Variants in DDX19A observed in about 807,000 individuals in gnomAD.
DDX19A encodes ATP-dependent RNA helicase DDX19A.
A neutral mutation model predicts 60.6 loss-of-function variants in DDX19A; 12 were observed. The ratio of observed to expected loss-of-function variants is 0.20; its 90% CI spans 0.13 to 0.32. The LOEUF (loss-of-function observed/expected upper bound fraction) is 0.32, where lower values mean the gene tolerates loss of function less well. Among genes scored for constraint, DDX19A ranks in the 10% least tolerant of loss-of-function variants. The probability of loss-of-function intolerance (pLI) is 1.00; values close to 1 mark genes in which losing one functional copy is unlikely to be tolerated. For synonymous variants in DDX19A, 206 were observed against 218.2 expected, an observed-to-expected ratio of 0.94 and a Z score of 0.49; for missense variants, 337 against 600.6, an observed-to-expected ratio of 0.56 and a Z score of 4.59.
intron 7 of DDX19A, 106 bp from the exon 8 acceptor site, chr16:70,365,979 C>A: frequency 1.3e-6 from 2 of 1,545,542 alleles, no homozygotes; most frequent in Non-Finnish European, 1.8e-6. Flanking sequence ...GTTTTGAAAT[C>A]TGGAAATAAC....
Position 70,365,035 on chromosome 16 carries a change from A to G in DDX19A, c.508A>G (p.Thr170Ala), listed in dbSNP as rs537699457. 11 of 1,613,996 alleles carry G rather than the reference A, an allele frequency of 6.8e-6. No homozygotes were observed. Among genetic ancestry groups the G allele is most frequent in the East Asian group, 4.5e-5 (2 of 44,892 alleles). ...CTGTCAGTGTCTGTGCCTCTCCCCAACATATGAGCTGGCGCTTCAAACAGG... is the reference window on the plus strand; with the variant it reads ...CTGTCAGTGTCTGTGCCTCTCCCCAGCATATGAGCTGGCGCTTCAAACAGG... Reference protein sequence around the residue: ...RYPQCLCLSPTYELALQTGKV... With the variant: ...RYPQCLCLSPAYELALQTGKV... The change falls in exon 7 of 12, where the codon ACA becomes GCA. Residue 170 changes from threonine to alanine, a missense_variant. Coordinates refer to ENST00000302243, the MANE Select transcript of DDX19A (RefSeq NM_018332.5).
At chr16:70,357,362 G>GTTTTTTTTTTTTTTTTTTTTTTTTTT (rs1248365917) in intron 4 of DDX19A, among the ~76,000 whole-genome samples, 4 of 48,876 alleles carry the variant, frequency 8.2e-5, no homozygotes, top group South Asian at 7.7e-4. Context: ...TCTGTTTTTG[G>GTTTTTTTTTTTTTTTTTTTTTTTTTT]TTTGTTTTTT....
chr16:70,348,065 G>A, intron 1 of DDX19A: 3 of 405,304 alleles, frequency 7.4e-6, no homozygotes, highest in Non-Finnish European at 1.5e-5. Flanking sequence ...ACAGAGAACA[G>A]AATATGTTAG....
At chr16:70,356,808 T>G (rs1181241745) in intron 4 of DDX19A, 1 of 1,081,068 alleles carries the variant, frequency 9.3e-7, no homozygotes, top group African/African-American at 1.7e-5. Flanking sequence ...CAAATTGATT[T>G]ATCATAGCTA....
Position 70,347,019 on chromosome 16 carries a change from G to A in DDX19A, c.28G>A (p.Val10Met), listed in dbSNP as rs1255261347. 1 of 1,612,824 alleles carries A rather than the reference G, an allele frequency of 6.2e-7. No individual in the cohort carries two copies. Among genetic ancestry groups the A allele is most frequent in the Non-Finnish European group, 8.5e-7 (1 of 1,179,842 alleles). MATDSWALAVDEQEAAVKSM... is the reference protein window; with the variant it reads MATDSWALAMDEQEAAVKSM... ...GGCCACCGACTCGTGGGCCCTGGCG[G>A]TGGACGAGCAGGAAGCGGCTGTCAA... Residue 10 changes from valine (V) to methionine (M), a missense_variant, in exon 1 of 12, where the codon GTG (valine) becomes ATG (methionine). Physicochemically the swap from Val to Met is conservative, Grantham distance 21. Transcript: ENST00000302243.
chr16:70,360,217 G>A (rs1964325587), intron 4 of DDX19A, among the ~76,000 whole-genome samples: 1 of 151,550 alleles, frequency 6.6e-6, no homozygotes, highest in South Asian at 2.1e-4. Context: ...GGAGGCAGAG[G>A]TTGCAGTGAG....
intron 2 of DDX19A, among the ~76,000 whole-genome samples, chr16:70,352,350 T>C (rs1172981036): frequency 1.3e-5 from 2 of 149,316 alleles, no homozygotes; most frequent in Non-Finnish European, 3.0e-5. Flanking sequence ...AGTGGTGCAA[T>C]CTTGGCTCAC....
At chr16:70,366,289 C>A (rs373817509) in intron 8 of DDX19A, 27 bp downstream of exon 8, 1 of 1,613,532 alleles carries the variant, frequency 6.2e-7, no homozygotes, top group Non-Finnish European at 8.5e-7. Context: ...TGGGGGACTC[C>A]TCAGACTCCC....
chr16:70,353,372 G>A (rs1391917995), intron 2 of DDX19A, among the ~76,000 whole-genome samples: 2 of 151,232 alleles, frequency 1.3e-5, no homozygotes, highest in Non-Finnish European at 3.0e-5. Flanking sequence ...GCTTGGCCTC[G>A]CAAAGTGCTA....
intron 7 of DDX19A, 145 bp from the exon 8 acceptor site, chr16:70,365,940 G>T (rs1349729759): frequency 4.7e-6 from 6 of 1,266,750 alleles, no homozygotes; most frequent in African/African-American, 1.5e-5. Context: ...CAGCAGAAGA[G>T]ACCAAGACTG....
chr16:70,365,835 G>A (rs1034929519), intron 7 of DDX19A: 4 of 575,922 alleles, frequency 6.9e-6, no homozygotes, highest in Non-Finnish European at 1.2e-5. Context: ...ATTATAGGAG[G>A]AAGAAGAAGG....
chr16:70,368,602 C>CG (rs1446286482), intron 9 of DDX19A, among the ~76,000 whole-genome samples: 1 of 148,242 alleles, frequency 6.7e-6, no homozygotes, highest in African/African-American at 2.5e-5. Context: ...TTTTTTTAGA[C>CG]GGTCTCACTA....
At position 70,356,261 on chromosome 16, in the gene DDX19A, C is replaced by T; in HGVS notation, c.293+14C>T. 1.9e-6 allele frequency: 3 copies of T among 1,614,112 alleles called. No individual in the cohort carries two copies. Among genetic ancestry groups the T allele is most frequent in the Non-Finnish European group, 2.5e-6 (3 of 1,179,964 alleles). On this transcript the variant is annotated intron_variant, in intron 4 of 11. Transcript: ENST00000302243. Reference sequence around the variant, plus strand: ...AGAGCTTCGGCTGTGAGTATTCGCTCCTTTCAACAGCTCTTCGTTGCCAGT... The same window carrying T: ...AGAGCTTCGGCTGTGAGTATTCGCTTCTTTCAACAGCTCTTCGTTGCCAGT...
At chr16:70,354,932 G>A (rs76102111) in intron 2 of DDX19A, among the ~76,000 whole-genome samples, 9,155 of 152,022 alleles carry the variant, frequency 0.06, 309 homozygotes, top group Non-Finnish European at 0.073. Flanking sequence ...AGCTCAGGAG[G>A]TTGAGGTTGT....
At chr16:70,355,192 C>T (rs886148735) in intron 2 of DDX19A, among the ~76,000 whole-genome samples, 4 of 152,034 alleles carry the variant, frequency 2.6e-5, no homozygotes, top group African/African-American at 9.7e-5. Context: ...TCCTGGCCAA[C>T]GTGGTGAAAC....
At chr16:70,352,401 C>T (rs113211141) in intron 2 of DDX19A, among the ~76,000 whole-genome samples, 7 of 151,312 alleles carry the variant, frequency 4.6e-5, no homozygotes, top group African/African-American at 9.7e-5. Flanking sequence ...TCTCCTGCCT[C>T]GGCTTCCTGA....
intron 4 of DDX19A, 120 bp from the exon 5 acceptor site, chr16:70,361,298 G>T: frequency 1.3e-6 from 1 of 791,102 alleles, no homozygotes; most frequent in Non-Finnish European, 2.1e-6. Context: ...TAAGGCATAG[G>T]AAAATACGTC....
intron 7 of DDX19A, 182 bp from the exon 8 acceptor site, chr16:70,365,903 G>A (rs2151642073): frequency 1.2e-6 from 1 of 813,326 alleles, no homozygotes; most frequent in African/African-American, 1.7e-5. Flanking sequence ...ACAGTGCACT[G>A]AGATAGGTGT....
intron 2 of DDX19A, among the ~76,000 whole-genome samples, 184 bp from the exon 3 acceptor site, chr16:70,355,301 G>A (rs1259995691): frequency 6.6e-6 from 1 of 152,186 alleles, no homozygotes; most frequent in Non-Finnish European, 1.5e-5. Flanking sequence ...CTTGAACCCA[G>A]GAGGTGGAGG....
Sources: allele counts gnomAD v4.1 joint callset (sites outside exome capture counted in the v4.1 genomes callset), GRCh38; gene constraint gnomAD v4.1.1; transcripts MANE v1.5; gene names NCBI Gene and HGNC (gene_info 2026-07-23, HGNC 2026-07-21).